The following CNOT10 variants were observed in gnomAD, a reference collection of about 807,000 sequenced individuals.
CNOT10 encodes the protein CCR4-NOT transcription complex subunit 10, also known as CCR4-NOT transcription complex, subunit 10.
A neutral mutation model predicts 94.6 loss-of-function variants in CNOT10; 30 were observed. The observed-to-expected ratio is 0.32, with a 90% CI of 0.24 to 0.43. The LOEUF is 0.43. Among genes scored for constraint, CNOT10 ranks in the 20% least tolerant of loss-of-function variants. The pLI, the probability that CNOT10 is intolerant of heterozygous loss-of-function variation, is 1.00. For missense variants in CNOT10, 759 were observed against 877.2 expected, an observed-to-expected ratio of 0.87 and a Z score of 1.70; for synonymous variants, 289 against 301.6, an observed-to-expected ratio of 0.96 and a Z score of 0.43.
intron 14 of CNOT10, among the ~76,000 whole-genome samples, chr3:32,760,985 C>G (rs922150585): frequency 1.1e-4 from 16 of 151,726 alleles, no homozygotes; most frequent in Non-Finnish European, 2.4e-4. Flanking sequence ...GAAAATTAGC[C>G]GGGCATGGGG....
At chr3:32,753,261 T>G (rs990781343) in intron 13 of CNOT10, 2 of 811,916 alleles carry the variant, frequency 2.5e-6, no homozygotes, top group East Asian at 2.5e-5. Context: ...AGTGTCTGGA[T>G]TAAAAGATGT....
At chr3:32,767,896 G>A (rs962435662) in intron 17 of CNOT10, among the ~76,000 whole-genome samples, 4 of 152,168 alleles carry the variant, frequency 2.6e-5, no homozygotes, top group Non-Finnish European at 5.9e-5. Flanking sequence ...GTCCAGCTGA[G>A]GTTCTCGTAC....
At chr3:32,762,696 T>C in intron 14 of CNOT10, 37 bp from the exon 15 acceptor site, 1 of 1,574,476 alleles carries the variant, frequency 6.4e-7, no homozygotes, top group Non-Finnish European at 8.6e-7. Context: ...TTTGTGACGT[T>C]GTACTTTTCA....
intron 13 of CNOT10, among the ~76,000 whole-genome samples, chr3:32,747,009 C>T (rs1009274637): frequency 8.6e-5 from 13 of 151,834 alleles, no homozygotes; most frequent in African/African-American, 2.4e-4. Flanking sequence ...CCCAGCTACA[C>T]GGGGGGCTGA....
At chr3:32,750,639 C>T (rs528044907) in intron 13 of CNOT10, among the ~76,000 whole-genome samples, 94 of 151,874 alleles carry the variant, frequency 6.2e-4, no homozygotes, top group African/African-American at 2.2e-3. Context: ...CCAACCTCCG[C>T]CTCCTGGGTT....
intron 13 of CNOT10, among the ~76,000 whole-genome samples, chr3:32,752,245 C>T (rs1158612796): frequency 2.6e-5 from 4 of 151,744 alleles, no homozygotes; most frequent in African/African-American, 7.3e-5. Context: ...GCCGAGATCA[C>T]GCCATTGTAC....
Position 32,707,720 on chromosome 3 carries a change from T to G in CNOT10, c.280-950T>G, listed in dbSNP as rs537834518. The stretch of plus-strand genomic sequence containing the variant: ...CAGGAGGCTAAGGCAGGAGAATCAC[T>G]TGAACCCTGGAGGTGGAGGTTACAC... On this transcript the variant is annotated intron_variant, in intron 3 of 18. Coordinates refer to ENST00000328834, the MANE Select transcript of CNOT10 (RefSeq NM_015442.3). Among the ~76,000 whole-genome samples, 246 of 152,200 alleles carry G rather than the reference T, an allele frequency of 1.6e-3. 1 individual carries two copies. Among genetic ancestry groups the G allele is most frequent in the African/African-American group, 5.8e-3 (239 of 41,540 alleles).
At chr3:32,713,653 C>T (rs576819480) in intron 5 of CNOT10, among the ~76,000 whole-genome samples, 13 of 152,230 alleles carry the variant, frequency 8.5e-5, no homozygotes, top group South Asian at 6.2e-4. Flanking sequence ...TGCAGTCACT[C>T]CCCATTTCCC....
intron 3 of CNOT10, 32 bp from the exon 4 acceptor site, chr3:32,708,638 T>A (rs768350829): frequency 6.4e-7 from 1 of 1,570,666 alleles, no homozygotes; most frequent in Non-Finnish European, 8.6e-7. Context: ...TTCCTTAATG[T>A]TAAAATATAA....
In CNOT10 at chr3:32,736,556, C is replaced by A. The variant is rs115154116; in HGVS notation, c.1515-854C>A. ...AAGGGAGACCAAGGCTGAAGGATTG[C>A]TTGAAGCTAGGAGTTCGAAGCTAGC... On this transcript the variant is annotated intron_variant, in intron 12 of 18. Transcript: ENST00000328834. 2.2e-3 allele frequency among the ~76,000 whole-genome samples: 328 copies of A among 152,236 alleles called. 1 individual carries two copies. The highest frequency in any genetic ancestry group is 7.4e-3 in the African/African-American group (307 of 41,546).
intron 8 of CNOT10, among the ~76,000 whole-genome samples, chr3:32,723,064 C>T (rs1308117297): frequency 6.6e-6 from 1 of 152,022 alleles, no homozygotes; most frequent in East Asian, 1.9e-4. Context: ...TCATTAAGGG[C>T]CATTGTTTTG....
At chr3:32,770,741 C>G (rs1240259981) in intron 18 of CNOT10, among the ~76,000 whole-genome samples, 2 of 150,294 alleles carry the variant, frequency 1.3e-5, no homozygotes, top group African/African-American at 4.9e-5. Context: ...GAGTCTCGCT[C>G]TGTCACCCAG....
At chr3:32,759,434 G>A (rs760379961) in intron 13 of CNOT10, 24 bp from the exon 14 acceptor site, 7 of 1,502,410 alleles carry the variant, frequency 4.7e-6, no homozygotes, top group Admixed American at 1.8e-5. Context: ...TGAGATTTTC[G>A]GCCCCTTCCC....
At chr3:32,737,311 C>T (rs1699232738) in intron 12 of CNOT10, 99 bp from the exon 13 acceptor site, 2 of 743,798 alleles carry the variant, frequency 2.7e-6, no homozygotes, top group Admixed American at 2.5e-5. Context: ...AAAACTCTGT[C>T]TCAAAAAAAA....
chr3:32,736,209 C>A (rs1013805229), intron 12 of CNOT10, among the ~76,000 whole-genome samples: 1 of 152,136 alleles, frequency 6.6e-6, no homozygotes, highest in African/African-American at 2.4e-5. Context: ...CCTCAACCCC[C>A]TAAATAGCTG....
intron 1 of CNOT10, among the ~76,000 whole-genome samples, chr3:32,686,571 A>G (rs565137114): frequency 6.6e-6 from 1 of 152,336 alleles, no homozygotes; most frequent in Admixed American, 6.5e-5. Flanking sequence ...TAGGTTGTTC[A>G]GGGAAGGCCT....
intron 13 of CNOT10, among the ~76,000 whole-genome samples, chr3:32,748,146 C>T (rs149356530): frequency 6.6e-6 from 1 of 152,318 alleles, no homozygotes; most frequent in East Asian, 1.9e-4. Context: ...GTGTGAGCCA[C>T]TGCAGTTGGC....
At chr3:32,710,469 A>G (rs1182716971) in intron 4 of CNOT10, among the ~76,000 whole-genome samples, 1 of 151,980 alleles carries the variant, frequency 6.6e-6, no homozygotes, top group Non-Finnish European at 1.5e-5. Flanking sequence ...TAATTGATAA[A>G]CCTACATTGA....
chr3:32,767,474 G>C (rs1458954518), intron 17 of CNOT10, among the ~76,000 whole-genome samples: 10 of 145,166 alleles, frequency 6.9e-5, no homozygotes, highest in African/African-American at 2.6e-4. Flanking sequence ...AGCCGAGATC[G>C]CGCCATTGCA....
Sources: gnomAD v4.1 joint callset for allele counts (sites outside exome capture counted in the v4.1 genomes callset) on GRCh38, gnomAD v4.1.1 for gene constraint, MANE v1.5 for transcripts, NCBI Gene and HGNC (gene_info 2026-07-23, HGNC 2026-07-21) for gene names.